RBM6: variants seen among roughly 807,000 people sequenced by gnomAD.
The protein encoded by RBM6 is RNA binding motif protein 6.
A neutral mutation model predicts 140.4 loss-of-function variants in RBM6; 23 were observed. The ratio of observed to expected loss-of-function variants is 0.16; its 90% CI spans 0.12 to 0.23. The LOEUF (loss-of-function observed/expected upper bound fraction) is 0.23, where lower values mean the gene tolerates loss of function less well. RBM6 is among the 10% of genes least tolerant of loss of function. RBM6 has a pLI of 1.00. For missense variants in RBM6, 1,139 were observed against 1,386.7 expected (o/e 0.82, Z 2.84); for synonymous variants, 439 against 475.6 (o/e 0.92, Z 1.00).
chr3:50,031,945 G>A (rs535220330), intron 6 of RBM6, among the ~76,000 whole-genome samples: 1 of 152,202 alleles, frequency 6.6e-6, no homozygotes, highest in Admixed American at 6.5e-5. Context: ...AACATCTCCT[G>A]TACTCCATAA....
chr3:49,941,813 C>G (rs957349599), intron 1 of RBM6, among the ~76,000 whole-genome samples: 1 of 151,720 alleles, frequency 6.6e-6, no homozygotes, highest in African/African-American at 2.4e-5. Context: ...GGTGATCCAC[C>G]TGCCTTGGCC....
chr3:50,029,084 A>T (rs536518964), intron 6 of RBM6, among the ~76,000 whole-genome samples: 1 of 152,296 alleles, frequency 6.6e-6, no homozygotes, highest in African/African-American at 2.4e-5. Flanking sequence ...AGTGAATGGA[A>T]TGACTTGGAA....
chr3:50,048,140 T>C, intron 6 of RBM6, 105 bp from the exon 7 acceptor site: 1 of 1,506,994 alleles, frequency 6.6e-7, no homozygotes, highest in Non-Finnish European at 8.9e-7. Flanking sequence ...GCTCACTCTT[T>C]ATAAAATGTT....
Position 50,058,442 on chromosome 3 carries a change from G to A in RBM6, c.2010G>A (p.Glu670=), listed in dbSNP as rs746362694. The change falls in exon 10 of 21, where the codon GAG becomes GAA. Residue 670 remains glutamate, a synonymous_variant. Transcript: ENST00000266022. ...LKRIYRSTPP[E]VIVEVLEPYV... is the part of the protein sequence containing the mutation. ...GTATCTATCGTTCCACACCACCTGA[G>A]GTGATAGTGGAAGTGCTGGAGCCCT... The A allele has an allele frequency of 6.2e-7, 1 of 1,609,212 alleles. No homozygotes were observed. The highest frequency in any genetic ancestry group is 1.7e-5 in the Admixed American group (1 of 60,016).
At position 49,968,339 on chromosome 3, in the gene RBM6, A is replaced by T. The variant is rs1453319339; in HGVS notation, c.914A>T (p.His305Leu). 1 of 1,614,228 alleles carries T rather than the reference A, an allele frequency of 6.2e-7. No individual in the cohort carries two copies. The highest frequency in any genetic ancestry group is 1.7e-5 in the Admixed American group (1 of 60,026). ...CAGCCCTCTACACAAGATAGAGAACATTCTGGTATGAATGTGAACAGGAGA... is the reference window on the plus strand; with the variant it reads ...CAGCCCTCTACACAAGATAGAGAACTTTCTGGTATGAATGTGAACAGGAGA... Reference protein sequence around the residue: ...YIQPSTQDREHSGMNVNRREE... With the variant: ...YIQPSTQDRELSGMNVNRREE... The change falls in exon 3 of 21, where the codon CAT becomes CTT. Residue 305 changes from histidine (H) to leucine (L), a missense_variant. Coordinates refer to ENST00000266022, the MANE Select transcript of RBM6 (RefSeq NM_005777.3).
chr3:50,065,728 C>G, intron 16 of RBM6: 6 of 441,294 alleles, frequency 1.4e-5, no homozygotes, highest in South Asian at 9.6e-5. Flanking sequence ...ATAAGGTACC[C>G]TTTTCCTGCT....
chr3:49,978,723 G>A (rs1325428703), intron 5 of RBM6, among the ~76,000 whole-genome samples: 1 of 152,124 alleles, frequency 6.6e-6, no homozygotes, highest in East Asian at 1.9e-4. Flanking sequence ...AAGTCTCACA[G>A]TATAGGCCAG....
At chr3:49,968,804 G>A (rs1288174128) in intron 3 of RBM6, 56 bp downstream of exon 3, 12 of 1,410,082 alleles carry the variant, frequency 8.5e-6, no homozygotes, top group East Asian at 7.3e-5. Context: ...TTTTTGAGAC[G>A]GAGTCTCGCT....
intron 6 of RBM6, among the ~76,000 whole-genome samples, chr3:50,006,964 A>G (rs2086610181): frequency 6.6e-6 from 1 of 152,006 alleles, no homozygotes; most frequent in South Asian, 2.1e-4. Flanking sequence ...GGCTGGCACA[A>G]AGTGAATGTT....
intron 6 of RBM6, among the ~76,000 whole-genome samples, chr3:50,008,588 C>T (rs1460759154): frequency 9.4e-6 from 1 of 106,828 alleles, no homozygotes; most frequent in Non-Finnish European, 1.7e-5. Flanking sequence ...GGATCTTGCT[C>T]TGTTGTCCAA....
At chr3:49,945,752 T>A (rs1383103777) in intron 1 of RBM6, among the ~76,000 whole-genome samples, 2 of 151,466 alleles carry the variant, frequency 1.3e-5, no homozygotes, top group Admixed American at 6.6e-5. Flanking sequence ...CGTGGCGGCA[T>A]GCACCTGTAG....
chr3:50,011,639 A>C lies in RBM6; in HGVS notation c.1557+12126A>C, dbSNP rs2108768533. 1.3e-5 allele frequency among the ~76,000 whole-genome samples: 2 copies of C among 152,222 alleles called. 1 individual carries two copies. Among genetic ancestry groups the C allele is most frequent in the South Asian group, 4.1e-4 (2 of 4,828 alleles). Reference sequence around the variant, plus strand: ...GAGGCCTCTTTCAAGCAGCATTGACACTATGGCTATCATCTTTGACCCTCT... The same window carrying C: ...GAGGCCTCTTTCAAGCAGCATTGACCCTATGGCTATCATCTTTGACCCTCT... On this transcript the variant is annotated intron_variant, in intron 6 of 20. Coordinates refer to ENST00000266022, the MANE Select transcript of RBM6 (RefSeq NM_005777.3).
chr3:49,996,914 T>C (rs1406110597), intron 5 of RBM6, among the ~76,000 whole-genome samples: 1 of 152,188 alleles, frequency 6.6e-6, no homozygotes, highest in African/African-American at 2.4e-5. Flanking sequence ...AGCTCAGTAT[T>C]GGTACTTACT....
At position 50,038,597 on chromosome 3, in the gene RBM6, C is replaced by T. The variant is rs979878135; in HGVS notation, c.1558-9648C>T. Among the ~76,000 whole-genome samples, 12 of 152,106 alleles carry T rather than the reference C, an allele frequency of 7.9e-5. 1 individual carries two copies. In the East Asian group the frequency reaches 2.1e-3, roughly 27 times the overall value. On this transcript the variant is annotated intron_variant, in intron 6 of 20. Coordinates refer to ENST00000266022, the MANE Select transcript of RBM6 (RefSeq NM_005777.3). ...CTGTAATCCCAGCACTTTGGGAGGC[C>T]GAGGCGGGCGGATCATGAGGTCCGG... is the stretch of plus-strand genomic sequence containing the variant.
intron 1 of RBM6, among the ~76,000 whole-genome samples, chr3:49,953,492 A>G (rs2083833395): frequency 6.7e-6 from 1 of 149,960 alleles, no homozygotes; most frequent in African/African-American, 2.5e-5. Flanking sequence ...TGCTGGGATT[A>G]CAGGTGTGAG....
At chr3:49,951,153 A>G (rs771369934) in intron 1 of RBM6, among the ~76,000 whole-genome samples, 1 of 152,218 alleles carries the variant, frequency 6.6e-6, no homozygotes, top group Non-Finnish European at 1.5e-5. Context: ...TGAAAATCAT[A>G]GAAACAGAAA....
intron 1 of RBM6, among the ~76,000 whole-genome samples, chr3:49,946,367 A>C (rs2083486425): frequency 6.7e-6 from 1 of 150,068 alleles, no homozygotes; most frequent in African/African-American, 2.5e-5. Flanking sequence ...CAGCCTCCCG[A>C]GTAACTGGGA....
intron 3 of RBM6, among the ~76,000 whole-genome samples, chr3:49,970,731 A>G (rs2084752120): frequency 6.6e-6 from 1 of 152,168 alleles, no homozygotes; most frequent in South Asian, 2.1e-4. Context: ...ACAGTGGCCT[A>G]TGCTTGTAAT....
chr3:50,009,122 G>A (rs2086720208), intron 6 of RBM6, among the ~76,000 whole-genome samples: 1 of 152,136 alleles, frequency 6.6e-6, no homozygotes, highest in Non-Finnish European at 1.5e-5. Flanking sequence ...TGCTTTGGGT[G>A]GCAGCTTGAT....
Sources: allele counts gnomAD v4.1 joint callset (sites outside exome capture counted in the v4.1 genomes callset), GRCh38; gene constraint gnomAD v4.1.1; transcripts MANE v1.5; gene names NCBI Gene and HGNC (gene_info 2026-07-23, HGNC 2026-07-21).